The following GSE1 variants were observed in gnomAD, a reference collection of about 807,000 sequenced individuals.
The protein encoded by GSE1 is genetic suppressor element 1.
A neutral mutation model predicts 112.6 loss-of-function variants in GSE1; 32 were observed. The ratio of observed to expected loss-of-function variants is 0.28; its 90% CI spans 0.21 to 0.38. GSE1 has a LOEUF of 0.38. Among genes scored for constraint, GSE1 ranks in the 10% least tolerant of loss-of-function variants. The pLI is 1.00. For synonymous variants in GSE1, 1,115 were observed against 735.6 expected, an observed-to-expected ratio of 1.52 and a Z score of -8.35; for missense variants, 2,348 against 1,699.2, an observed-to-expected ratio of 1.38 and a Z score of -6.71.
intron 2 of GSE1, among the ~76,000 whole-genome samples, chr16:85,472,115 G>C (rs893055596): frequency 8.5e-5 from 13 of 152,194 alleles, no homozygotes; most frequent in Admixed American, 7.2e-4. Flanking sequence ...GACATTGCCA[G>C]GTGTCTCCTG....
chr16:85,543,560 T>G (rs1199820399), intron 2 of GSE1, among the ~76,000 whole-genome samples: 1 of 152,174 alleles, frequency 6.6e-6, no homozygotes. Context: ...CTGATCCTGT[T>G]GTCCTGAGTC....
chr16:85,482,798 C>T (rs546985655), intron 2 of GSE1, among the ~76,000 whole-genome samples: 6 of 152,136 alleles, frequency 3.9e-5, no homozygotes, highest in East Asian at 3.9e-4. Context: ...ACCAACATGG[C>T]GAAACCCTGT....
Position 85,178,109 on chromosome 16 carries a change from C to T in GSE1, c.2283+6302C>T, listed in dbSNP as rs144257290. Among the ~76,000 whole-genome samples the T allele has an allele frequency of 7.5e-3, 1,140 of 152,234 alleles. 64 individuals are homozygous for T. The highest frequency in any genetic ancestry group is 0.067 in the Admixed American group (1,032 of 15,296). Reference sequence around the variant, plus strand: ...TGAGGAACCAGTGAAGAGGTCCAGCCGTGGTTGTGCAGTGCATTGAGTTCT... The same window carrying T: ...TGAGGAACCAGTGAAGAGGTCCAGCTGTGGTTGTGCAGTGCATTGAGTTCT... On this transcript the variant is annotated intron_variant, in intron 1 of 2. Transcript: ENST00000637419.
At chr16:85,559,238 G>T (rs967621953) in intron 1 of GSE1, among the ~76,000 whole-genome samples, 1 of 152,090 alleles carries the variant, frequency 6.6e-6, no homozygotes, top group Non-Finnish European at 1.5e-5. Flanking sequence ...TCTCTCTGAG[G>T]TAGCTGCTGC....
At chr16:85,555,802 CTGT>C, upstream of GSE1, 2 of 961,756 alleles carry the variant, frequency 2.1e-6, no homozygotes, top group Non-Finnish European at 2.5e-6. Context: ...GTCCTGGGGG[CTGT>C]TTTTTTTTTC....
intron 1 of GSE1, among the ~76,000 whole-genome samples, chr16:85,282,469 G>C (rs1327385828): frequency 6.6e-6 from 1 of 152,186 alleles, no homozygotes; most frequent in Non-Finnish European, 1.5e-5. Flanking sequence ...GTTCTCATGT[G>C]TGTTTTGGGG....
intron 2 of GSE1, among the ~76,000 whole-genome samples, chr16:85,486,246 C>T (rs750896388): frequency 1.3e-5 from 2 of 152,228 alleles, no homozygotes; most frequent in African/African-American, 4.8e-5. Flanking sequence ...CACTCACACA[C>T]TCATTCACAT....
intron 1 of GSE1, among the ~76,000 whole-genome samples, chr16:85,623,156 G>C (rs151151634): frequency 1.3e-5 from 2 of 151,776 alleles, no homozygotes; most frequent in Non-Finnish European, 2.9e-5. Flanking sequence ...ACAACACAGC[G>C]TGATTTCAGG....
intron 14 of GSE1, chr16:85,670,616 G>A (rs1320646380): frequency 6.4e-6 from 1 of 155,710 alleles, no homozygotes; most frequent in African/African-American, 2.4e-5. Context: ...GTAGAGCAGA[G>A]GCTTTATTTT....
At chr16:85,178,573 G>A (rs1300188712) in intron 1 of GSE1, among the ~76,000 whole-genome samples, 2 of 152,086 alleles carry the variant, frequency 1.3e-5, no homozygotes, top group African/African-American at 4.8e-5. Context: ...GCAAGGGTGA[G>A]AACTGCTGAC....
intron 2 of GSE1, among the ~76,000 whole-genome samples, chr16:85,529,103 G>C (rs552984750): frequency 6.6e-6 from 1 of 152,176 alleles, no homozygotes; most frequent in African/African-American, 2.4e-5. Context: ...GTGAGGCGGC[G>C]CCTGCAGTTG....
chr16:85,551,530 G>A (rs921297252), upstream of GSE1, among the ~76,000 whole-genome samples: 1 of 152,204 alleles, frequency 6.6e-6, no homozygotes, highest in Non-Finnish European at 1.5e-5. Flanking sequence ...GCAAACAACC[G>A]GGCCGTTCAA....
chr16:85,244,705 C>G lies in GSE1; in HGVS notation c.2283+72898C>G, dbSNP rs183055077. Among the ~76,000 whole-genome samples, 1,005 of 151,064 alleles carry G rather than the reference C, an allele frequency of 6.7e-3. 8 individuals are homozygous for G. Among genetic ancestry groups the G allele is most frequent in the Non-Finnish European group, 0.011 (765 of 67,740 alleles). ...ATCTCTACCAAAAATACAAAATTAT[C>G]TGGGGCTGGGTGCAATTGCTCACAC... On this transcript the variant is annotated intron_variant, in intron 1 of 2. Transcript: ENST00000637419.
intron 1 of GSE1, among the ~76,000 whole-genome samples, chr16:85,627,658 G>A (rs986008417): frequency 2.6e-5 from 4 of 151,680 alleles, no homozygotes; most frequent in South Asian, 2.1e-4. Context: ...TGTACAGTGC[G>A]GAGACAGCCC....
chr16:85,522,300 C>T (rs549821712), intron 2 of GSE1, among the ~76,000 whole-genome samples: 5 of 152,194 alleles, frequency 3.3e-5, no homozygotes, highest in African/African-American at 4.8e-5. Flanking sequence ...TGGTCAGGGC[C>T]GTCAGGACTG....
exon 1 of GSE1, chr16:85,170,067 C>T (rs1229793326): frequency 1.0e-6 from 1 of 984,852 alleles, no homozygotes; most frequent in African/African-American, 1.7e-5. Context: ...ACACCGACCC[C>T]CTTTCCGAGC....
At chr16:85,384,779 C>T (rs1302641350) in intron 2 of GSE1, among the ~76,000 whole-genome samples, 6 of 152,004 alleles carry the variant, frequency 3.9e-5, no homozygotes, top group South Asian at 2.1e-4. Flanking sequence ...TTGATGGAGG[C>T]GTGGAGGACT....
In GSE1 at chr16:85,473,352, G is replaced by C. The variant is rs563497336; in HGVS notation, c.2464+115709G>C. On this transcript the variant is annotated intron_variant, in intron 2 of 2. Transcript: ENST00000637419. ...CAGGAGCTGGTGGGGGAGTGGGCAG[G>C]CTGCAGGATTTGAGGGGGTGGTTGG... Among the ~76,000 whole-genome samples the C allele has an allele frequency of 2.6e-5, 4 of 152,298 alleles. No homozygotes were observed. In the East Asian group the frequency reaches 5.8e-4, roughly 22 times the overall value.
chr16:85,668,953 G>A (rs1037863894), intron 14 of GSE1, among the ~76,000 whole-genome samples: 5 of 152,218 alleles, frequency 3.3e-5, no homozygotes, highest in Admixed American at 6.5e-5. Flanking sequence ...AAGGCTTGCC[G>A]CCTCTCAGAA....
Sources: allele counts gnomAD v4.1 joint callset (sites outside exome capture counted in the v4.1 genomes callset), GRCh38; gene constraint gnomAD v4.1.1; transcripts MANE v1.5; gene names NCBI Gene and HGNC (gene_info 2026-07-23, HGNC 2026-07-21).